CADM2: variants seen among roughly 807,000 people sequenced by gnomAD.
CADM2 encodes immunoglobulin superfamily member 4D.
Under a neutral mutation model 49.8 loss-of-function variants are expected in CADM2, and 12 were observed. That is an observed-to-expected ratio of 0.24 (90% CI 0.15 to 0.39). CADM2 has a LOEUF of 0.39. Among genes scored for constraint, CADM2 ranks in the 10% least tolerant of loss-of-function variants. CADM2 has a pLI of 1.00. For synonymous variants in CADM2, 214 were observed against 175.4 expected (o/e 1.22, Z -1.74); for missense variants, 378 against 492.3 (o/e 0.77, Z 2.20).
chr3:85,147,703 ATATC>A (rs1261119838), intron 1 of CADM2, among the ~76,000 whole-genome samples: 2 of 152,176 alleles, frequency 1.3e-5, no homozygotes, highest in Non-Finnish European at 2.9e-5. Context: ...TAAAGAATTA[ATATC>A]TATCTATAAA....
At chr3:85,882,157 C>A (rs1712896997) in intron 3 of CADM2, among the ~76,000 whole-genome samples, 1 of 151,366 alleles carries the variant, frequency 6.6e-6, no homozygotes, top group Admixed American at 6.6e-5. Flanking sequence ...TCCCCCCGCC[C>A]CCACCCCGCA....
At chr3:85,567,101 G>C (rs2062287706) in intron 1 of CADM2, among the ~76,000 whole-genome samples, 1 of 152,028 alleles carries the variant, frequency 6.6e-6, no homozygotes, top group African/African-American at 2.4e-5. Flanking sequence ...TTTCTGTATT[G>C]TATCCTGCAG....
chr3:85,763,818 A>G (rs930197651), intron 2 of CADM2, among the ~76,000 whole-genome samples: 4 of 152,052 alleles, frequency 2.6e-5, no homozygotes, highest in African/African-American at 9.7e-5. Flanking sequence ...CTTTTCATCA[A>G]AGAGTGTTAG....
chr3:85,683,805 G>T (rs1485789707), intron 1 of CADM2, among the ~76,000 whole-genome samples: 2 of 152,112 alleles, frequency 1.3e-5, no homozygotes, highest in Non-Finnish European at 2.9e-5. Flanking sequence ...AATACAGGTG[G>T]TCTAAATTTT....
At chr3:85,237,715 A>G (rs551195961) in intron 1 of CADM2, among the ~76,000 whole-genome samples, 162 of 151,874 alleles carry the variant, frequency 1.1e-3, no homozygotes, top group Middle Eastern at 6.8e-3. Flanking sequence ...CTTAAAATAT[A>G]AAGTTGTCTT....
intron 1 of CADM2, among the ~76,000 whole-genome samples, chr3:85,405,983 T>TA (rs1268050184): frequency 3.3e-5 from 5 of 151,868 alleles, no homozygotes; most frequent in Admixed American, 3.3e-4. Flanking sequence ...CGTGCATATA[T>TA]ATGGAACACT....
chr3:85,470,317 G>A (rs1412789122), intron 1 of CADM2, among the ~76,000 whole-genome samples: 1 of 152,142 alleles, frequency 6.6e-6, no homozygotes, highest in African/African-American at 2.4e-5. Context: ...CATGTGGTCT[G>A]AAATATGTGT....
At chr3:85,291,243 G>T (rs936880955) in intron 1 of CADM2, among the ~76,000 whole-genome samples, 2 of 151,862 alleles carry the variant, frequency 1.3e-5, no homozygotes, top group African/African-American at 4.8e-5. Flanking sequence ...AGAGAAAAAA[G>T]AATAAAAAGA....
At chr3:85,344,695 C>T (rs925396555) in intron 1 of CADM2, among the ~76,000 whole-genome samples, 2 of 151,756 alleles carry the variant, frequency 1.3e-5, no homozygotes, top group African/African-American at 2.4e-5. Flanking sequence ...TAGCAAAAGA[C>T]GTGTTCATTC....
chr3:85,864,730 G>A (rs1269291597), intron 3 of CADM2, among the ~76,000 whole-genome samples: 2 of 152,038 alleles, frequency 1.3e-5, no homozygotes, highest in African/African-American at 4.8e-5. Flanking sequence ...CTTACTTTAT[G>A]TCAATGGAAA....
At chr3:85,136,470 AAT>A (rs1207059248) in intron 1 of CADM2, among the ~76,000 whole-genome samples, 2 of 152,004 alleles carry the variant, frequency 1.3e-5, no homozygotes, top group East Asian at 3.8e-4. Context: ...CAACATGTTC[AAT>A]ATGTTTTACT....
chr3:85,295,416 T>C (rs993997637), intron 1 of CADM2, among the ~76,000 whole-genome samples: 13 of 152,180 alleles, frequency 8.5e-5, no homozygotes, highest in Non-Finnish European at 1.9e-4. Context: ...AGAAATACCA[T>C]TTGACGCAGC....
At chr3:85,111,911 G>A (rs1475457928) in intron 1 of CADM2, among the ~76,000 whole-genome samples, 2 of 151,632 alleles carry the variant, frequency 1.3e-5, no homozygotes, top group African/African-American at 4.8e-5. Flanking sequence ...TTCTAATTTC[G>A]TTGTAGGATT....
At chr3:85,768,739 A>G (rs2069816949) in intron 2 of CADM2, among the ~76,000 whole-genome samples, 2 of 143,050 alleles carry the variant, frequency 1.4e-5, no homozygotes, top group South Asian at 2.1e-4. Context: ...ATACACATAT[A>G]TACACATATA....
chr3:85,620,500 A>G (rs1052228320), intron 1 of CADM2, among the ~76,000 whole-genome samples: 2 of 152,054 alleles, frequency 1.3e-5, no homozygotes, highest in African/African-American at 2.4e-5. Context: ...CCATTATAAA[A>G]TGGAACGTAA....
At chr3:84,994,317 G>A (rs565655043) in intron 1 of CADM2, among the ~76,000 whole-genome samples, 163 of 152,190 alleles carry the variant, frequency 1.1e-3, no homozygotes, top group Admixed American at 2.9e-3. Flanking sequence ...AATATTGTAT[G>A]TGTTACGATA....
At chr3:85,220,797 T>C (rs1319654602) in intron 1 of CADM2, among the ~76,000 whole-genome samples, 2 of 133,904 alleles carry the variant, frequency 1.5e-5, no homozygotes, top group African/African-American at 5.5e-5. Context: ...AGGAAGAGAA[T>C]GGTTGCTTAG....
chr3:86,029,905 A>T (rs966574514), intron 8 of CADM2, among the ~76,000 whole-genome samples: 1 of 152,080 alleles, frequency 6.6e-6, no homozygotes, highest in African/African-American at 2.4e-5. Context: ...AGGGATGAGT[A>T]CTAAAAGAGA....
At chr3:85,955,803 G>A (rs1464032621) in intron 7 of CADM2, among the ~76,000 whole-genome samples, 1 of 151,310 alleles carries the variant, frequency 6.6e-6, no homozygotes, top group Non-Finnish European at 1.5e-5. Context: ...ACAAAACACC[G>A]AGTTAATAGG....
Sources: allele counts gnomAD v4.1 joint callset (sites outside exome capture counted in the v4.1 genomes callset), GRCh38; gene constraint gnomAD v4.1.1; transcripts MANE v1.5; gene names NCBI Gene and HGNC (gene_info 2026-07-23, HGNC 2026-07-21).